TPX2: variants seen among roughly 807,000 people sequenced by gnomAD.
TPX2 encodes the protein TPX2 microtubule nucleation factor.
A neutral mutation model predicts 93.6 loss-of-function variants in TPX2; 21 were observed. The ratio of observed to expected loss-of-function variants is 0.22; its 90% CI spans 0.16 to 0.32. TPX2 has a LOEUF of 0.32. Among genes scored for constraint, TPX2 ranks in the 10% least tolerant of loss-of-function variants. TPX2 has a pLI of 1.00. For synonymous variants in TPX2, 281 were observed against 298.3 expected (o/e 0.94, Z 0.60); for missense variants, 776 against 871.1 (o/e 0.89, Z 1.37).
At chr20:31,788,325 G>A (rs908643030) in intron 12 of TPX2, among the ~76,000 whole-genome samples, 2 of 150,488 alleles carry the variant, frequency 1.3e-5, no homozygotes, top group South Asian at 2.1e-4. Flanking sequence ...GGCTGAGGCA[G>A]GAGAATTGCA....
intron 2 of TPX2, among the ~76,000 whole-genome samples, chr20:31,757,153 G>A (rs896692594): frequency 2.6e-5 from 4 of 151,582 alleles, no homozygotes; most frequent in Non-Finnish European, 5.9e-5. Flanking sequence ...GTCTCATGTG[G>A]TCCTCCCTCC....
Position 31,800,951 on chromosome 20 carries a change from A to G in TPX2, c.2134-19A>G. 1 of 1,595,842 alleles carries G rather than the reference A, an allele frequency of 6.3e-7. No individual in the cohort carries two copies. The highest frequency in any genetic ancestry group is 8.6e-7 in the Non-Finnish European group (1 of 1,163,578). ...TTCTCTGACATCCCTCTCACTGGTA[A>G]CTTTTCCTTACTTTGCAGGTGCATA... is the stretch of plus-strand genomic sequence containing the variant. On this transcript the variant is annotated intron_variant, in intron 17 of 17. Coordinates refer to ENST00000300403, the MANE Select transcript of TPX2 (RefSeq NM_012112.5).
intron 10 of TPX2, among the ~76,000 whole-genome samples, chr20:31,781,425 C>T (rs770156088): frequency 7.9e-5 from 12 of 151,512 alleles, no homozygotes; most frequent in Non-Finnish European, 1.8e-4. Context: ...GCCACCACGC[C>T]CGGTTAATTT....
At chr20:31,764,155 C>T (rs563472009) in intron 4 of TPX2, among the ~76,000 whole-genome samples, 169 of 148,864 alleles carry the variant, frequency 1.1e-3, no homozygotes, top group African/African-American at 4.0e-3. Context: ...TGTGTACATA[C>T]ATGTACACAT....
At chr20:31,759,530 G>A (rs1343084924) in intron 3 of TPX2, among the ~76,000 whole-genome samples, 1 of 150,518 alleles carries the variant, frequency 6.6e-6, no homozygotes, top group Non-Finnish European at 1.5e-5. Flanking sequence ...TTCTCAAGTA[G>A]CTGGGATTAA....
At position 31,794,405 on chromosome 20, in the gene TPX2, C is replaced by T. The variant is rs1279369083; in HGVS notation, c.1690C>T (p.Pro564Ser). 1.2e-6 allele frequency: 2 copies of T among 1,613,258 alleles called. No individual in the cohort carries two copies. Among genetic ancestry groups the T allele is most frequent in the East Asian group, 2.2e-5 (1 of 44,868 alleles). Reference protein sequence around the residue: ...KIKELQKGEVPKFKALPLPHF... With the variant: ...KIKELQKGEVSKFKALPLPHF... ...CTCATGTTTTCTTTTCTGTTAGGTG[C>T]CCAAGTTCAAGGCACTTCCCTTGCC... The change falls in exon 15 of 18, where the codon CCC becomes TCC. Residue 564 changes from proline to serine, a missense_variant. By Grantham distance (74) the Pro-to-Ser change is moderately conservative. Transcript: ENST00000300403.
intron 2 of TPX2, among the ~76,000 whole-genome samples, chr20:31,753,941 G>A (rs1456613361): frequency 1.1e-4 from 16 of 151,972 alleles, no homozygotes; most frequent in African/African-American, 3.1e-4. Context: ...GAAGAGAATC[G>A]CTTGAACCCA....
chr20:31,797,287 A>T (rs1383306105), intron 15 of TPX2, 117 bp from the exon 16 acceptor site: 1 of 870,104 alleles, frequency 1.1e-6, no homozygotes, highest in East Asian at 2.5e-5. Context: ...ACTAGGGTTT[A>T]TATTAAATCT....
intron 17 of TPX2, 72 bp downstream of exon 17, chr20:31,798,624 C>G (rs959283471): frequency 6.8e-7 from 1 of 1,464,344 alleles, no homozygotes; most frequent in Non-Finnish European, 9.1e-7. Context: ...TTACCTTGTA[C>G]CAGACAGGAT....
intron 4 of TPX2, among the ~76,000 whole-genome samples, chr20:31,762,033 C>T (rs1287175347): frequency 1.3e-5 from 2 of 152,084 alleles, no homozygotes; most frequent in African/African-American, 4.8e-5. Context: ...TTTTCACATA[C>T]CTGTTTGCCA....
intron 3 of TPX2, among the ~76,000 whole-genome samples, chr20:31,758,278 CCTAA>C (rs11470592): frequency 0.087 from 13,270 of 152,104 alleles, 643 homozygotes; most frequent in African/African-American, 0.14. Context: ...CACCAGCATG[CCTAA>C]CTAATTTTTG....
Position 31,792,966 on chromosome 20 carries a change from A to G in TPX2, c.1509+136A>G, listed in dbSNP as rs1461555234. The G allele has an allele frequency of 4.0e-6, 3 of 742,516 alleles. No individual in the cohort carries two copies. The African/African-American group carries it at 5.3e-5, about 13-fold the overall frequency. 46.0% of individuals were successfully genotyped at this position (742,516 alleles called of 1,614,324 possible). A position where few individuals can be genotyped will look rare whatever the true frequency, so the allele number is the denominator to read the frequency against. The stretch of plus-strand genomic sequence containing the variant: ...CTTGTCTTTAAGAATGGGTATGAAC[A>G]TTTGTTCATTTTTTTTGTTCCTCCA... On this transcript the variant is annotated intron_variant, in intron 13 of 17. Coordinates refer to ENST00000300403, the MANE Select transcript of TPX2 (RefSeq NM_012112.5).
intron 2 of TPX2, among the ~76,000 whole-genome samples, chr20:31,750,078 C>T (rs2061809308): frequency 2.0e-5 from 3 of 151,784 alleles, no homozygotes; most frequent in African/African-American, 7.3e-5. Context: ...GCTGGGACTA[C>T]AGGCGCATGC....
At chr20:31,778,423 C>A (rs1371430789) in intron 9 of TPX2, among the ~76,000 whole-genome samples, 3 of 151,964 alleles carry the variant, frequency 2.0e-5, no homozygotes, top group Non-Finnish European at 4.4e-5. Flanking sequence ...CAGGAAGCTG[C>A]CTGACCTGAT....
At chr20:31,798,181 C>A (rs1365515709) in intron 16 of TPX2, among the ~76,000 whole-genome samples, 184 bp from the exon 17 acceptor site, 1 of 152,170 alleles carries the variant, frequency 6.6e-6, no homozygotes. Context: ...TCCAGGGGCC[C>A]TTTGAACTCT....
In TPX2 at chr20:31,757,494, C is replaced by G. The variant is rs767128472; in HGVS notation, c.18C>G (p.Ser6Arg). MSQVKSSYSYDAPSDF... is the reference protein window; with the variant it reads MSQVKRSYSYDAPSDF... ...GGGAGACAATGTCACAAGTTAAAAGCTCTTATTCCTATGATGCCCCCTCGG... is the reference window on the plus strand; with the variant it reads ...GGGAGACAATGTCACAAGTTAAAAGGTCTTATTCCTATGATGCCCCCTCGG... Residue 6 changes from serine to arginine, a missense_variant, in exon 3 of 18, where the codon AGC becomes AGG. Ser to Arg is a moderately radical substitution (Grantham distance 110, BLOSUM62 -1). This residue lies in a region of TPX2 where 36 missense variants were observed against 58.3 expected (regional missense o/e 0.62). Coordinates refer to ENST00000300403, the MANE Select transcript of TPX2 (RefSeq NM_012112.5). 6.2e-7 allele frequency: 1 copy of G among 1,613,894 alleles called. No homozygotes were observed. Among genetic ancestry groups the G allele is most frequent in the African/African-American group, 1.3e-5 (1 of 74,928 alleles).
At position 31,770,486 on chromosome 20, in the gene TPX2, C is replaced by A. The variant is rs542159692; in HGVS notation, c.485+15C>A. 7 of 1,564,000 alleles carry A rather than the reference C, an allele frequency of 4.5e-6. No individual in the cohort carries two copies. In the South Asian group the frequency reaches 6.1e-5, roughly 14 times the overall value. On this transcript the variant is annotated intron_variant, in intron 6 of 17. Coordinates refer to ENST00000300403, the MANE Select transcript of TPX2 (RefSeq NM_012112.5). ...AAAATGAAAGTGTGAGTAGCCACAA[C>A]TTCTTACTGCCAAGGGCAGACATAT... is the stretch of plus-strand genomic sequence containing the variant.
intron 5 of TPX2, among the ~76,000 whole-genome samples, chr20:31,769,164 C>A (rs1446976074): frequency 6.6e-6 from 1 of 151,588 alleles, no homozygotes; most frequent in East Asian, 1.9e-4. Context: ...ATGTAACTAA[C>A]CTGCCCATTG....
chr20:31,752,581 G>A (rs1427805251), intron 2 of TPX2, among the ~76,000 whole-genome samples: 3 of 152,158 alleles, frequency 2.0e-5, no homozygotes, highest in East Asian at 3.8e-4. Context: ...CTATGTAGAT[G>A]TTAAGTTCCT....
Sources: allele counts gnomAD v4.1 joint callset (sites outside exome capture counted in the v4.1 genomes callset), GRCh38; gene constraint gnomAD v4.1.1; regional missense constraint gnomAD v4.1.1; transcripts MANE v1.5; gene names NCBI Gene and HGNC (gene_info 2026-07-23, HGNC 2026-07-21).